Variants in NELFA observed in about 807,000 individuals in gnomAD.
The protein encoded by NELFA is negative elongation factor A.
Under a neutral mutation model 51.8 loss-of-function variants are expected in NELFA, and 35 were observed. The ratio of observed to expected loss-of-function variants is 0.68; its 90% CI spans 0.52 to 0.90. NELFA has a LOEUF of 0.90. NELFA is among the 40% of genes least tolerant of loss of function. NELFA has a pLI of 0.00. For synonymous variants in NELFA, 417 were observed against 338.4 expected (o/e 1.23, Z -2.55); for missense variants, 658 against 746.4 (o/e 0.88, Z 1.38).
At chr4:1,987,446 C>G (rs928968164) in intron 4 of NELFA, 6 of 157,510 alleles carry the variant, frequency 3.8e-5, no homozygotes, top group African/African-American at 1.4e-4. Context: ...TGGAGGGGTG[C>G]GGGGGGCACA....
chr4:1,988,946 G>GTT (rs35323893), intron 3 of NELFA, among the ~76,000 whole-genome samples: 3,097 of 136,624 alleles, frequency 0.023, 133 homozygotes, highest in African/African-American at 0.078. Flanking sequence ...AAGTTGGTGG[G>GTT]TTTTTTTTTT....
chr4:2,005,059 C>T (rs959012938), intron 1 of NELFA, among the ~76,000 whole-genome samples: 1 of 144,836 alleles, frequency 6.9e-6, no homozygotes, highest in Admixed American at 6.9e-5. Context: ...CCGCCCGCCT[C>T]GGCCTCCCAA....
chr4:2,001,974 A>G (rs532271859), intron 1 of NELFA, among the ~76,000 whole-genome samples: 45 of 151,452 alleles, frequency 3.0e-4, no homozygotes, highest in Middle Eastern at 3.4e-3. Flanking sequence ...GCCGAGGCGG[A>G]CGGATCATGA....
chr4:2,008,257 A>AT (rs2109071859), intron 1 of NELFA, among the ~76,000 whole-genome samples: 1 of 141,128 alleles, frequency 7.1e-6, no homozygotes, highest in East Asian at 2.5e-4. Flanking sequence ...ACGGTGGGGG[A>AT]TTAGGGTGGT....
At chr4:1,991,521 T>C in intron 2 of NELFA, 23 bp downstream of exon 2, 1 of 1,609,076 alleles carries the variant, frequency 6.2e-7, no homozygotes. Context: ...CCACCCAACA[T>C]GAATTAAAGC....
At chr4:1,998,487 C>A (rs892710550) in intron 1 of NELFA, among the ~76,000 whole-genome samples, 1 of 152,070 alleles carries the variant, frequency 6.6e-6, no homozygotes, top group Non-Finnish European at 1.5e-5. Context: ...AACACAGCAC[C>A]AGAACCTCAT....
chr4:1,990,603 G>T, intron 2 of NELFA: 1 of 441,986 alleles, frequency 2.3e-6, no homozygotes, highest in Non-Finnish European at 4.6e-6. Flanking sequence ...GGGGTGGCCA[G>T]CAGGGCCCCT....
chr4:1,990,009 G>A (rs1728225802), intron 2 of NELFA, 140 bp from the exon 3 acceptor site: 3 of 910,396 alleles, frequency 3.3e-6, no homozygotes, highest in Non-Finnish European at 4.9e-6. Context: ...TGAGGTCCTC[G>A]AGACTGACTC....
chr4:1,995,616 G>A (rs1728400875), intron 1 of NELFA, among the ~76,000 whole-genome samples: 2 of 152,030 alleles, frequency 1.3e-5, no homozygotes, highest in African/African-American at 2.4e-5. Flanking sequence ...TAAAGACAAA[G>A]TCCAAGAAAC....
At chr4:1,994,715 C>T (rs1289567425) in intron 1 of NELFA, among the ~76,000 whole-genome samples, 13 of 151,608 alleles carry the variant, frequency 8.6e-5, no homozygotes, top group Admixed American at 5.3e-4. Context: ...ATTAGGCGGG[C>T]GTGGTGGTGG....
At position 1,983,148 on chromosome 4, in the gene NELFA, C is replaced by A; in HGVS notation, c.*171G>T. 2 of 540,422 alleles carry A rather than the reference C, an allele frequency of 3.7e-6. No homozygotes were observed. The highest frequency in any genetic ancestry group is 6.2e-6 in the Non-Finnish European group (2 of 320,036). 33.5% of individuals were successfully genotyped at this position (540,422 alleles called of 1,614,324 possible). ...CCATATTAAAATTTTAAAAATAAGC[C>A]CCAAATACCCCAGAGAAATGCATCC... is the stretch of plus-strand genomic sequence containing the variant. On this transcript the variant is annotated 3_prime_UTR_variant, in exon 11 of 11. Transcript: ENST00000382882.
rs1292092379 is a variant in NELFA at position 1,983,584 on chromosome 4, T to G, written c.1402+12A>C. The G allele has an allele frequency of 6.2e-7, 1 of 1,613,686 alleles. No homozygotes were observed. The highest frequency in any genetic ancestry group is 8.5e-7 in the Non-Finnish European group (1 of 1,179,900). ...GCCCGGTGCACCCCCAGGCCCTGCCTTATGAACATACCTCGGGAGCCGGCC... is the reference window on the plus strand; with the variant it reads ...GCCCGGTGCACCCCCAGGCCCTGCCGTATGAACATACCTCGGGAGCCGGCC... On this transcript the variant is annotated intron_variant, in intron 10 of 10. Coordinates refer to ENST00000382882, the MANE Select transcript of NELFA (RefSeq NM_005663.5).
At chr4:2,005,519 C>T (rs913011499) in intron 1 of NELFA, among the ~76,000 whole-genome samples, 4 of 152,058 alleles carry the variant, frequency 2.6e-5, no homozygotes, top group Admixed American at 2.6e-4. Flanking sequence ...TGGTGAAACC[C>T]CATCTCTACT....
intron 8 of NELFA, 71 bp from the exon 9 acceptor site, chr4:1,984,184 G>C: frequency 7.0e-7 from 1 of 1,428,748 alleles, no homozygotes; most frequent in Non-Finnish European, 9.2e-7. Flanking sequence ...TGCTCCTGGA[G>C]GTGACAGGCT....
rs116768885 is a variant in NELFA, at chr4:1,982,875, G to A, written c.*444C>T. 4.8e-3 allele frequency: 758 copies of A among 157,714 alleles called. 7 individuals carry two copies. The highest frequency in any genetic ancestry group is 0.017 in the African/African-American group (707 of 41,672). 9.8% of individuals were successfully genotyped at this position (157,714 alleles called of 1,614,324 possible). On this transcript the variant is annotated 3_prime_UTR_variant, in exon 11 of 11. Coordinates refer to ENST00000382882, the MANE Select transcript of NELFA (RefSeq NM_005663.5). Reference sequence around the variant, plus strand: ...GGGGACAAGGCCCACCGTCTCCCACGCTCTGGTGTGGTCGGGTGTCCCTGC... The same window carrying A: ...GGGGACAAGGCCCACCGTCTCCCACACTCTGGTGTGGTCGGGTGTCCCTGC...
rs1221622824 is a variant in NELFA at position 1,982,725 on chromosome 4, T to C, written c.*594A>G. The C allele has an allele frequency of 6.6e-6, 1 of 152,438 alleles. No homozygotes were observed. The highest frequency in any genetic ancestry group is 1.5e-5 in the Non-Finnish European group (1 of 68,098). The allele number at this position is 152,438 out of a possible 1,614,324, so 9.4% of individuals were successfully genotyped here. The stretch of plus-strand genomic sequence containing the variant: ...GCCCCAAACACAGCTATGGTGGCTT[T>C]CTTTAGAAAAGCTCGACTTTAATGG... On this transcript the variant is annotated 3_prime_UTR_variant, in exon 11 of 11. Transcript: ENST00000382882.
chr4:1,987,302 A>G (rs1479697598), intron 4 of NELFA, among the ~76,000 whole-genome samples: 1 of 152,180 alleles, frequency 6.6e-6, no homozygotes, highest in African/African-American at 2.4e-5. Flanking sequence ...TCTGGCCCCC[A>G]GGTCACTATC....
At position 1,986,303 on chromosome 4, in the gene NELFA, C is replaced by T; in HGVS notation, c.734G>A (p.Arg245Lys). Reference protein sequence around the residue: ...TGNRTPIPPSRTLLRKERGVK... With the variant: ...TGNRTPIPPSKTLLRKERGVK... ...ACCTCGTTCCTTCCGCAGCAGCGTCCTGGAAGGCGGGATGGGGGTCCGGTT... is the reference window on the plus strand; with the variant it reads ...ACCTCGTTCCTTCCGCAGCAGCGTCTTGGAAGGCGGGATGGGGGTCCGGTT... The change falls in exon 5 of 11, where the codon AGG (arginine) becomes AAG (lysine). Residue 245 changes from arginine (R) to lysine (K), a missense_variant. This residue lies in a region of NELFA where 371 missense variants were observed against 448.3 expected (regional missense o/e 0.83). Transcript: ENST00000382882. 1 of 1,590,652 alleles carries T rather than the reference C, an allele frequency of 6.3e-7. No homozygotes were observed. Among genetic ancestry groups the T allele is most frequent in the Non-Finnish European group, 8.6e-7 (1 of 1,168,540 alleles).
intron 1 of NELFA, among the ~76,000 whole-genome samples, chr4:1,993,308 G>T (rs1215020184): frequency 6.6e-6 from 1 of 152,328 alleles, no homozygotes; most frequent in Middle Eastern, 3.4e-3. Flanking sequence ...TTTCCCGGGC[G>T]CGGTAGCTCA....
Sources: gnomAD v4.1 joint callset for allele counts (sites outside exome capture counted in the v4.1 genomes callset) on GRCh38, gnomAD v4.1.1 for gene constraint, gnomAD v4.1.1 regional missense constraint, MANE v1.5 for transcripts, NCBI Gene and HGNC (gene_info 2026-07-23, HGNC 2026-07-21) for gene names.